SPAG16: variants seen among roughly 807,000 people sequenced by gnomAD.
SPAG16 encodes the protein sperm-associated antigen 16 protein.
In SPAG16, 86 loss-of-function variants were observed where a neutral mutation model predicts 80.4. The observed-to-expected ratio is 1.07, with a 90% CI of 0.90 to 1.28. The LOEUF (loss-of-function observed/expected upper bound fraction) is 1.28, where lower values mean the gene tolerates loss of function less well. Ranked by LOEUF, SPAG16 falls within the 50% of genes most tolerant of loss-of-function variation. The probability of loss-of-function intolerance (pLI) is 0.00; values close to 1 mark genes in which losing one functional copy is unlikely to be tolerated. For missense variants in SPAG16, 870 were observed against 765.3 expected (o/e 1.14, Z -1.61); for synonymous variants, 294 against 265.9 (o/e 1.11, Z -1.03).
At chr2:213,746,120 T>C (rs2067810175) in intron 10 of SPAG16, among the ~76,000 whole-genome samples, 1 of 152,256 alleles carries the variant, frequency 6.6e-6, no homozygotes, top group Non-Finnish European at 1.5e-5. Context: ...TTCTGACCCC[T>C]GGCATATTTT....
At chr2:214,030,098 A>G (rs908809077) in intron 13 of SPAG16, among the ~76,000 whole-genome samples, 3 of 152,104 alleles carry the variant, frequency 2.0e-5, no homozygotes, top group African/African-American at 4.8e-5. Flanking sequence ...ATCTTACATA[A>G]TGGAAACTTT....
At chr2:214,197,123 A>T (rs17816620) in intron 15 of SPAG16, among the ~76,000 whole-genome samples, 9,207 of 152,104 alleles carry the variant, frequency 0.061, 332 homozygotes, top group South Asian at 0.077. Flanking sequence ...AATTAACCTG[A>T]CTATATTCCA....
At position 213,353,500 on chromosome 2, in the gene SPAG16, T is replaced by C. The variant is rs950033295; in HGVS notation, c.762+2855T>C. Reference sequence around the variant, plus strand: ...ACAATGTAAAATATGAAGGACTCTTTAAGGGGTTGTCAATTTTCCTAGGCT... The same window carrying C: ...ACAATGTAAAATATGAAGGACTCTTCAAGGGGTTGTCAATTTTCCTAGGCT... On this transcript the variant is annotated intron_variant, in intron 7 of 15. Transcript: ENST00000331683. Among the ~76,000 whole-genome samples, 15 of 152,342 alleles carry C rather than the reference T, an allele frequency of 9.8e-5. 1 individual carries two copies. Among genetic ancestry groups the C allele is most frequent in the Middle Eastern group, 3.4e-3 (1 of 294 alleles).
intron 15 of SPAG16, among the ~76,000 whole-genome samples, chr2:214,261,954 A>G (rs557221674): frequency 1.3e-5 from 2 of 152,162 alleles, no homozygotes; most frequent in Non-Finnish European, 2.9e-5. Context: ...CTCTGTAAAT[A>G]CAAGATTGGT....
intron 13 of SPAG16, among the ~76,000 whole-genome samples, chr2:214,102,171 T>G (rs930010069): frequency 6.6e-6 from 1 of 151,472 alleles, no homozygotes; most frequent in Non-Finnish European, 1.5e-5. Context: ...GCTTACTTTT[T>G]CATTCAATAA....
Position 213,284,572 on chromosome 2 carries a change from G to A in SPAG16, c.89G>A (p.Arg30Lys). The A allele has an allele frequency of 6.2e-7, 1 of 1,609,560 alleles. No homozygotes were observed. The stretch of plus-strand genomic sequence containing the variant: ...GGTTTGACGGCAGCCGGGGACGCGA[G>A]GGACACGGCGGACGCGGTGGCGGCT... ...GMGLTAAGDARDTADAVAAEG... is the reference protein window; with the variant it reads ...GMGLTAAGDAKDTADAVAAEG... Residue 30 changes from arginine (R) to lysine (K), a missense_variant, in exon 1 of 16, where the codon AGG becomes AAG. By Grantham distance (26) the Arg-to-Lys change is conservative (BLOSUM62 2). Coordinates refer to ENST00000331683, the MANE Select transcript of SPAG16 (RefSeq NM_024532.5).
At chr2:214,283,717 G>A (rs1693135732) in intron 15 of SPAG16, among the ~76,000 whole-genome samples, 1 of 152,182 alleles carries the variant, frequency 6.6e-6, no homozygotes, top group Admixed American at 6.5e-5. Context: ...TTTGCTTGCT[G>A]CTCTAATAGT....
rs76013153 is a variant in SPAG16 at position 213,961,513 on chromosome 2, T to C, written c.1400+31368T>C. Among the ~76,000 whole-genome samples the C allele has an allele frequency of 8.1e-3, 1,163 of 144,276 alleles. 27 individuals are homozygous for C. Among genetic ancestry groups the C allele is most frequent in the East Asian group, 0.057 (277 of 4,890 alleles). 94.7% of individuals were successfully genotyped at this position (144,276 alleles called of 152,430 possible). ...AAAACTTTCATCTTTCATTATTAAA[T>C]ATGTTGTTAGCTATTTTTTTTTTGT... is the stretch of plus-strand genomic sequence containing the variant. On this transcript the variant is annotated intron_variant, in intron 12 of 15. Coordinates refer to ENST00000331683, the MANE Select transcript of SPAG16 (RefSeq NM_024532.5).
At chr2:213,913,588 CATAT>C in intron 11 of SPAG16, among the ~76,000 whole-genome samples, 153 of 7,610 alleles carry the variant, frequency 0.02, 7 homozygotes, top group Non-Finnish European at 0.06. Flanking sequence ...TGTACATGTA[CATAT>C]ATGTATATGT....
At chr2:214,312,588 T>C (rs775512042) in intron 15 of SPAG16, among the ~76,000 whole-genome samples, 1 of 152,138 alleles carries the variant, frequency 6.6e-6, no homozygotes, top group Non-Finnish European at 1.5e-5. Flanking sequence ...CAGAAACCAA[T>C]GTATCGACCT....
chr2:214,193,393 TTA>T (rs1461824424), intron 15 of SPAG16, among the ~76,000 whole-genome samples: 3 of 75,360 alleles, frequency 4.0e-5, no homozygotes, highest in African/African-American at 6.4e-5. Context: ...AAGAGATCTT[TTA>T]TGTGTGTGTG....
chr2:214,013,452 G>C (rs967419947), intron 12 of SPAG16, among the ~76,000 whole-genome samples: 13 of 151,990 alleles, frequency 8.6e-5, no homozygotes, highest in Non-Finnish European at 1.9e-4. Flanking sequence ...CTATCTAATT[G>C]TAACTTTGTA....
At chr2:214,127,019 C>T (rs976955093) in intron 14 of SPAG16, among the ~76,000 whole-genome samples, 1 of 151,614 alleles carries the variant, frequency 6.6e-6, no homozygotes, top group Non-Finnish European at 1.5e-5. Context: ...ATATTTTTTC[C>T]CACAAGGGAA....
chr2:213,974,290 T>G (rs2045241664), intron 12 of SPAG16, among the ~76,000 whole-genome samples: 1 of 152,092 alleles, frequency 6.6e-6, no homozygotes, highest in Non-Finnish European at 1.5e-5. Context: ...ATGGGTAGAA[T>G]GCATTGAGCC....
intron 6 of SPAG16, among the ~76,000 whole-genome samples, chr2:213,350,021 A>G (rs879455612): frequency 8.5e-5 from 13 of 152,214 alleles, no homozygotes; most frequent in Admixed American, 2.0e-4. Flanking sequence ...AAGGTATATT[A>G]TATACTAGGC....
rs13401312 is a variant in SPAG16, at chr2:214,047,182, A to G, written c.1527+33105A>G. Among the ~76,000 whole-genome samples the G allele has an allele frequency of 3.6e-3, 555 of 152,170 alleles. 4 individuals are homozygous for G. The highest frequency in any genetic ancestry group is 0.013 in the African/African-American group (532 of 41,536). ...TATTCTTCACAGAAATAGAAAAAACAGTCCTAATATTCATATGGAACCACA... is the reference window on the plus strand; with the variant it reads ...TATTCTTCACAGAAATAGAAAAAACGGTCCTAATATTCATATGGAACCACA... On this transcript the variant is annotated intron_variant, in intron 13 of 15. Coordinates refer to ENST00000331683, the MANE Select transcript of SPAG16 (RefSeq NM_024532.5).
intron 10 of SPAG16, among the ~76,000 whole-genome samples, chr2:213,650,057 G>T (rs139518713): frequency 6.7e-6 from 1 of 150,364 alleles, no homozygotes; most frequent in East Asian, 1.9e-4. Flanking sequence ...TTCTCAAGGA[G>T]AACTCTCAAG....
chr2:214,073,195 G>A (rs1051917844), intron 13 of SPAG16, among the ~76,000 whole-genome samples: 3 of 150,228 alleles, frequency 2.0e-5, no homozygotes, highest in African/African-American at 7.3e-5. Context: ...ATTTCTCTAT[G>A]CTAAAAACTA....
chr2:213,647,005 AT>A (rs2062845200), intron 10 of SPAG16, among the ~76,000 whole-genome samples: 1 of 152,238 alleles, frequency 6.6e-6, no homozygotes, highest in Admixed American at 6.5e-5. Flanking sequence ...TTAAAATGAA[AT>A]TAAAAATTTT....
Sources: allele counts gnomAD v4.1 joint callset (sites outside exome capture counted in the v4.1 genomes callset), GRCh38; gene constraint gnomAD v4.1.1; transcripts MANE v1.5; gene names NCBI Gene and HGNC (gene_info 2026-07-23, HGNC 2026-07-21).